VPS13B: variants seen among roughly 807,000 people sequenced by gnomAD.
The protein encoded by VPS13B is vacuolar protein sorting 13 homolog B.
Under a neutral mutation model 426.4 loss-of-function variants are expected in VPS13B, and 285 were observed. The observed-to-expected ratio is 0.67, with a 90% CI of 0.61 to 0.74. The LOEUF is 0.74. Among genes scored for constraint, VPS13B ranks in the 30% least tolerant of loss-of-function variants. The pLI, the probability that VPS13B is intolerant of heterozygous loss-of-function variation, is 0.00. For synonymous variants in VPS13B, 1,676 were observed against 1,676.4 expected (o/e 1.00, Z 0.01); for missense variants, 4,537 against 4,782.6 (o/e 0.95, Z 1.51).
chr8:99,478,800 G>A (rs1819883781), intron 24 of VPS13B, among the ~76,000 whole-genome samples: 1 of 147,470 alleles, frequency 6.8e-6, no homozygotes, highest in Non-Finnish European at 1.5e-5. Flanking sequence ...CTGGACAAGT[G>A]TAATCTTTTA....
intron 8 of VPS13B, among the ~76,000 whole-genome samples, chr8:99,131,224 A>G (rs1305741807): frequency 6.6e-6 from 1 of 152,196 alleles, no homozygotes; most frequent in Non-Finnish European, 1.5e-5. Context: ...TTGTTATGTT[A>G]TCACAGTATA....
chr8:99,566,211 A>T (rs1420550411), intron 31 of VPS13B, among the ~76,000 whole-genome samples: 1 of 152,192 alleles, frequency 6.6e-6, no homozygotes, highest in Admixed American at 6.5e-5. Context: ...ACTCTTCTTT[A>T]TATCTTAGTG....
intron 30 of VPS13B, 133 bp from the exon 31 acceptor site, chr8:99,556,317 G>A (rs1391018239): frequency 1.1e-6 from 1 of 915,040 alleles, no homozygotes; most frequent in Non-Finnish European, 1.7e-6. Context: ...TCATAGATGT[G>A]CCCCAGTTTA....
At chr8:99,644,267 G>A (rs1829490364) in intron 34 of VPS13B, among the ~76,000 whole-genome samples, 1 of 152,150 alleles carries the variant, frequency 6.6e-6, no homozygotes. Flanking sequence ...CACAGTAATA[G>A]AAAAGAACTG....
intron 35 of VPS13B, among the ~76,000 whole-genome samples, chr8:99,673,237 A>T (rs1390339810): frequency 1.3e-5 from 2 of 152,084 alleles, no homozygotes; most frequent in African/African-American, 4.8e-5. Context: ...AGTAGAATTC[A>T]GTGGTGAAGT....
chr8:99,671,497 G>A (rs1318544380), intron 35 of VPS13B, among the ~76,000 whole-genome samples: 1 of 151,868 alleles, frequency 6.6e-6, no homozygotes, highest in Non-Finnish European at 1.5e-5. Flanking sequence ...TCCTATTTTT[G>A]CTTTTGTTGC....
intron 39 of VPS13B, among the ~76,000 whole-genome samples, chr8:99,736,298 C>T (rs1456590701): frequency 2.6e-5 from 4 of 152,050 alleles, no homozygotes; most frequent in Non-Finnish European, 5.9e-5. Flanking sequence ...TTAGGCTGGG[C>T]GCGGTGGCTC....
chr8:99,200,389 G>GTATGCTTTTATTTCTTTTGTGTATA (rs1413093200), intron 17 of VPS13B, among the ~76,000 whole-genome samples: 28 of 151,892 alleles, frequency 1.8e-4, no homozygotes, highest in Admixed American at 1.2e-3. Context: ...TTTTGTGAAT[G>GTATGCTTTTATTTCTTTTGTGTATA]TATGCTTTTA....
At chr8:99,464,737 T>C (rs1231062889) in intron 23 of VPS13B, among the ~76,000 whole-genome samples, 3 of 152,200 alleles carry the variant, frequency 2.0e-5, no homozygotes, top group Non-Finnish European at 4.4e-5. Context: ...CGTTGACACA[T>C]GTAACGCATA....
At chr8:99,310,519 G>A (rs1820897243) in intron 19 of VPS13B, among the ~76,000 whole-genome samples, 1 of 152,180 alleles carries the variant, frequency 6.6e-6, no homozygotes, top group African/African-American at 2.4e-5. Context: ...AACCAGCCTT[G>A]CATCCCAGGG....
At chr8:99,720,726 C>G in intron 38 of VPS13B, 137 bp from the exon 39 acceptor site, 3 of 1,104,458 alleles carry the variant, frequency 2.7e-6, no homozygotes, top group Non-Finnish European at 3.9e-6. Flanking sequence ...TCATTTCTTT[C>G]TGTTCCAGAA....
At chr8:99,641,691 T>A in intron 33 of VPS13B, 120 bp from the exon 34 acceptor site, 1 of 976,958 alleles carries the variant, frequency 1.0e-6, no homozygotes, top group Non-Finnish European at 1.5e-6. Context: ...TGATTACTGT[T>A]TTAAGTTATA....
At chr8:99,828,392 CCGTTTTTTTTTTTTT>C (rs1461378652) in intron 51 of VPS13B, among the ~76,000 whole-genome samples, 1,753 of 47,306 alleles carry the variant, frequency 0.037, 253 homozygotes, top group African/African-American at 0.055. Context: ...ATTACAACCA[CCGTTTTTTTTTTTTT>C]TTTTTTTTTT....
At chr8:99,621,820 C>CTTTTTTTT (rs749078781) in intron 33 of VPS13B, among the ~76,000 whole-genome samples, 47 of 83,230 alleles carry the variant, frequency 5.6e-4, no homozygotes, top group Non-Finnish European at 7.3e-4. Flanking sequence ...TGTTTTGTTT[C>CTTTTTTTT]TTTTTTTTTT....
At chr8:99,506,404 T>A (rs1821503160) in intron 27 of VPS13B, among the ~76,000 whole-genome samples, 1 of 152,234 alleles carries the variant, frequency 6.6e-6, no homozygotes, top group South Asian at 2.1e-4. Flanking sequence ...TTTAATGTCA[T>A]GAATATTACG....
chr8:99,674,369 TA>T (rs1443592546), intron 35 of VPS13B, among the ~76,000 whole-genome samples: 2 of 152,116 alleles, frequency 1.3e-5, no homozygotes, highest in Non-Finnish European at 2.9e-5. Context: ...AGTTTTCACT[TA>T]AAGTATGATA....
At chr8:99,580,418 C>T (rs1247003658) in intron 33 of VPS13B, among the ~76,000 whole-genome samples, 1 of 151,212 alleles carries the variant, frequency 6.6e-6, no homozygotes. Flanking sequence ...GTGTTGAACT[C>T]CTGGCCTCAA....
chr8:99,753,083 T>C (rs1588684057), intron 39 of VPS13B, among the ~76,000 whole-genome samples: 1 of 152,188 alleles, frequency 6.6e-6, no homozygotes, highest in African/African-American at 2.4e-5. Context: ...ATCTGTAAAA[T>C]GGATATACTC....
intron 16 of VPS13B, among the ~76,000 whole-genome samples, chr8:99,190,391 T>G (rs934255049): frequency 2.6e-5 from 4 of 152,100 alleles, no homozygotes; most frequent in African/African-American, 9.6e-5. Context: ...ATTGGTATGC[T>G]TAGACGTTTG....
Sources: gnomAD v4.1 joint callset for allele counts (sites outside exome capture counted in the v4.1 genomes callset) on GRCh38, gnomAD v4.1.1 for gene constraint, MANE v1.5 for transcripts, NCBI Gene and HGNC (gene_info 2026-07-23, HGNC 2026-07-21) for gene names.